Variants in CPXM1 observed in about 807,000 individuals in gnomAD.
CPXM1 encodes the protein probable carboxypeptidase X1.
In CPXM1, 72 loss-of-function variants were observed where a neutral mutation model predicts 80.4. That is an observed-to-expected ratio of 0.90 (90% CI 0.74 to 1.09). CPXM1 has a LOEUF of 1.09. CPXM1 is among the 50% of genes least tolerant of loss of function. The probability of loss-of-function intolerance (pLI) is 0.00; values close to 1 mark genes in which losing one functional copy is unlikely to be tolerated. For missense variants in CPXM1, 892 were observed against 999.4 expected, an observed-to-expected ratio of 0.89 and a Z score of 1.45; for synonymous variants, 403 against 405.6, an observed-to-expected ratio of 0.99 and a Z score of 0.08.
Position 2,794,955 on chromosome 20 carries a change from C to T in CPXM1, c.1861-316G>A, listed in dbSNP as rs1568600464. Among the ~76,000 whole-genome samples, 1 of 152,216 alleles carries T rather than the reference C, an allele frequency of 6.6e-6. No homozygotes were observed. The highest frequency in any genetic ancestry group is 1.5e-5 in the Non-Finnish European group (1 of 68,028). On this transcript the variant is annotated intron_variant, in intron 12 of 13. Transcript: ENST00000380605. This position sits in a 1 kb window ranked among gnomAD's most constrained non-coding sequence, Gnocchi z 5.2. ...TACAAGGGTTATGAGCTCCATGGAA[C>T]ATGAAGCTTCTATGCCAGGACAGCT...
rs145783423 is a variant in CPXM1, at chr20:2,794,533, A to G, written c.1963+4T>C. 1.7e-4 allele frequency: 279 copies of G among 1,613,930 alleles called. 1 individual carries two copies. In the African/African-American group the frequency reaches 3.5e-3, roughly 20 times the overall value. On this transcript the variant is annotated splice_donor_region_variant and intron_variant, in intron 13 of 13. Coordinates refer to ENST00000380605, the MANE Select transcript of CPXM1 (RefSeq NM_019609.5). The surrounding 1 kb of genome is among the most constrained non-coding windows in gnomAD (Gnocchi z 5.2). ...CCTTCCCTTGCCCTCCCGGTCAAAC[A>G]CACCCGTGGTCACGTCATGGTTAAT...
At chr20:2,799,588 G>A (rs1207659291) in intron 1 of CPXM1, among the ~76,000 whole-genome samples, 4 of 151,984 alleles carry the variant, frequency 2.6e-5, no homozygotes, top group Non-Finnish European at 4.4e-5. Flanking sequence ...TTTGCCCGCC[G>A]CTTCCTTCTT....
Position 2,796,402 on chromosome 20 carries a change from C to T in CPXM1, c.1087G>A (p.Glu363Lys), listed in dbSNP as rs144712965. 65 of 1,613,962 alleles carry T rather than the reference C, an allele frequency of 4.0e-5. No homozygotes were observed. The highest frequency in any genetic ancestry group is 5.3e-5 in the Non-Finnish European group (63 of 1,180,006). Residue 363 changes from glutamate to lysine, a missense_variant, in exon 9 of 14, where the codon GAG becomes AAG. Physicochemically the swap from Glu to Lys is moderately conservative, Grantham distance 56. Transcript: ENST00000380605. This position sits in a 1 kb window ranked among gnomAD's most constrained non-coding sequence, Gnocchi z 6.8. ...AGAAGCAACTCCCGCCCCAGGGCCTCGTTCCCATGCATGCCAGCCACGTAG... is the reference window on the plus strand; with the variant it reads ...AGAAGCAACTCCCGCCCCAGGGCCTTGTTCCCATGCATGCCAGCCACGTAG... ...VRYVAGMHGN[E>K]ALGRELLLLL...
chr20:2,800,577 G>A lies in CPXM1; in HGVS notation c.-5C>T. ...GGCGAGCAGGAGCCCCCACATGGCG[G>A]GGATTGAGTGCCAGGGGCGCGCGGG... is the stretch of plus-strand genomic sequence containing the variant. On this transcript the variant is annotated 5_prime_UTR_variant, in exon 1 of 14. Transcript: ENST00000380605. The A allele has an allele frequency of 3.0e-6, 4 of 1,335,676 alleles. No individual in the cohort carries two copies. Among genetic ancestry groups the A allele is most frequent in the Non-Finnish European group, 3.8e-6 (4 of 1,047,618 alleles). 82.7% of individuals were successfully genotyped at this position (1,335,676 alleles called of 1,614,324 possible).
Position 2,796,537 on chromosome 20 carries a change from C to G in CPXM1, c.1035G>C (p.Glu345Asp), listed in dbSNP as rs748944255. The change falls in exon 8 of 14, where the codon GAG becomes GAC. Residue 345 changes from glutamate to aspartate, a missense_variant. By Grantham distance (45) the Glu-to-Asp change is conservative. Transcript: ENST00000380605. The surrounding 1 kb of genome is among the most constrained non-coding windows in gnomAD (Gnocchi z 6.8). ...TCCCCATGCCAGTACCCAGCTCATG[C>G]TCCCCAGGCTTGTCCGACATTTCCA... is the stretch of plus-strand genomic sequence containing the variant. ...YVMEMSDKPG[E>D]HELGEPEVRY... 1 of 1,614,068 alleles carries G rather than the reference C, an allele frequency of 6.2e-7. No individual in the cohort carries two copies. The highest frequency in any genetic ancestry group is 8.5e-7 in the Non-Finnish European group (1 of 1,180,028).
intron 1 of CPXM1, among the ~76,000 whole-genome samples, chr20:2,799,534 C>T (rs2088545657): frequency 6.6e-6 from 1 of 152,186 alleles, no homozygotes; most frequent in Non-Finnish European, 1.5e-5. Context: ...CCACAGCTGC[C>T]TCCAGAACAG....
At chr20:2,799,032 A>C (rs2088540914) in intron 1 of CPXM1, 139 bp from the exon 2 acceptor site, 1 of 835,816 alleles carries the variant, frequency 1.2e-6, no homozygotes, top group Non-Finnish European at 1.9e-6. Context: ...AGGACATCAA[A>C]GGCCTGCAAT....
rs186626222 is a variant in CPXM1 at position 2,795,301 on chromosome 20, G to A, written c.1836C>T (p.Asp612=). 3.7e-4 allele frequency: 605 copies of A among 1,614,050 alleles called. 7 individuals carry two copies. In the South Asian group the frequency reaches 6.2e-3, roughly 16 times the overall value. The change falls in exon 12 of 14, where the codon GAC becomes GAT. Residue 612 remains aspartate (D), a synonymous_variant. Coordinates refer to ENST00000380605, the MANE Select transcript of CPXM1 (RefSeq NM_019609.5). The surrounding 1 kb of genome is among the most constrained non-coding windows in gnomAD (Gnocchi z 5.4). Reference sequence around the variant, plus strand: ...CCTGCTCCAGGTAGGTGAGGAGGGCGTCTTTGTTGTTCTCCCACTCCTGGG... The same window carrying A: ...CCTGCTCCAGGTAGGTGAGGAGGGCATCTTTGTTGTTCTCCCACTCCTGGG... The part of the protein sequence containing the change: ...ELPQEWENNK[D]ALLTYLEQVR...
At chr20:2,799,912 C>T (rs2088549886) in intron 1 of CPXM1, among the ~76,000 whole-genome samples, 1 of 152,224 alleles carries the variant, frequency 6.6e-6, no homozygotes, top group Non-Finnish European at 1.5e-5. Context: ...GTCTCCCCTC[C>T]TGCCAGTTCT....
chr20:2,799,703 C>T (rs2088547370), intron 1 of CPXM1, among the ~76,000 whole-genome samples: 1 of 152,174 alleles, frequency 6.6e-6, no homozygotes, highest in Admixed American at 6.5e-5. Context: ...GAGTGCCCTC[C>T]GCTTGCGCTC....
Position 2,796,128 on chromosome 20 carries a change from A to C in CPXM1, c.1276T>G (p.Trp426Gly). The change falls in exon 10 of 14, where the codon TGG (tryptophan) becomes GGG (glycine). Residue 426 changes from tryptophan (W) to glycine (G), a missense_variant. This residue lies in a region of CPXM1 where 874 missense variants were observed against 958.4 expected (regional missense o/e 0.91). Transcript: ENST00000380605. The surrounding 1 kb of genome is among the most constrained non-coding windows in gnomAD (Gnocchi z 6.8). ...SELVGWAEGR[W>G]NNQSIDLNHN... The stretch of plus-strand genomic sequence containing the variant: ...TTAAGATCGATGCTCTGGTTGTTCC[A>C]GCGGCCCTCGGCCCAGCCCACCAGC... The C allele has an allele frequency of 6.8e-6, 11 of 1,613,004 alleles. No individual in the cohort carries two copies. Among genetic ancestry groups the C allele is most frequent in the Non-Finnish European group, 9.3e-6 (11 of 1,179,396 alleles).
rs57777718 is a variant in CPXM1, at chr20:2,800,326, G to A, written c.172+75C>T. The A allele has an allele frequency of 6.9e-4, 911 of 1,323,358 alleles. 8 individuals carry two copies. Among genetic ancestry groups the A allele is most frequent in the Non-Finnish European group, 1.4e-4 (143 of 1,010,026 alleles). The allele number at this position is 1,323,358 out of a possible 1,614,324, so 82.0% of individuals were successfully genotyped here. On this transcript the variant is annotated intron_variant, in intron 1 of 13. Coordinates refer to ENST00000380605, the MANE Select transcript of CPXM1 (RefSeq NM_019609.5). Reference sequence around the variant, plus strand: ...GGTGTGCGTGTGCCCGCGTGTTAGGGAGGGATCGCCCCACGGGGCAGGAGA... The same window carrying A: ...GGTGTGCGTGTGCCCGCGTGTTAGGAAGGGATCGCCCCACGGGGCAGGAGA...
rs1223250858 is a variant in CPXM1, at chr20:2,796,086, G to A, written c.1318C>T (p.Leu440Phe). Residue 440 changes from leucine (L) to phenylalanine (F), a missense_variant, in exon 10 of 14, where the codon CTC becomes TTC. Leu to Phe is a conservative substitution (Grantham distance 22, BLOSUM62 0). Coordinates refer to ENST00000380605, the MANE Select transcript of CPXM1 (RefSeq NM_019609.5). The surrounding 1 kb of genome is among the most constrained non-coding windows in gnomAD (Gnocchi z 6.8). ...TGTGCTTCCCACAGTGGTGTGTTGAGGTCAGCAAAATTATGGTTAAGATCG... is the reference window on the plus strand; with the variant it reads ...TGTGCTTCCCACAGTGGTGTGTTGAAGTCAGCAAAATTATGGTTAAGATCG... ...SIDLNHNFAD[L>F]NTPLWEAQDD... 6.2e-6 allele frequency: 10 copies of A among 1,613,952 alleles called. No homozygotes were observed. The highest frequency in any genetic ancestry group is 1.7e-5 in the Admixed American group (1 of 59,980).
In CPXM1 at chr20:2,794,530, A is replaced by G; in HGVS notation, c.1963+7T>C. On this transcript the variant is annotated splice_region_variant and intron_variant, in intron 13 of 13. Transcript: ENST00000380605. This position sits in a 1 kb window ranked among gnomAD's most constrained non-coding sequence, Gnocchi z 5.2. ...GCCCCTTCCCTTGCCCTCCCGGTCAAACACACCCGTGGTCACGTCATGGTT... is the reference window on the plus strand; with the variant it reads ...GCCCCTTCCCTTGCCCTCCCGGTCAGACACACCCGTGGTCACGTCATGGTT... The G allele has an allele frequency of 6.2e-7, 1 of 1,614,036 alleles. No homozygotes were observed. The highest frequency in any genetic ancestry group is 1.1e-5 in the South Asian group (1 of 91,076).
In CPXM1 at chr20:2,794,674, T is replaced by G; in HGVS notation, c.1861-35A>C. On this transcript the variant is annotated intron_variant, in intron 12 of 13. Coordinates refer to ENST00000380605, the MANE Select transcript of CPXM1 (RefSeq NM_019609.5). The surrounding 1 kb of genome is among the most constrained non-coding windows in gnomAD (Gnocchi z 5.2). The stretch of plus-strand genomic sequence containing the variant: ...AAGAGGTTATCAGAGCCCTTCCCCT[T>G]CGGCAGGATAATGTGCTGTTTAGCT... 1 of 1,553,162 alleles carries G rather than the reference T, an allele frequency of 6.4e-7. No homozygotes were observed. Among genetic ancestry groups the G allele is most frequent in the Non-Finnish European group, 8.8e-7 (1 of 1,132,576 alleles).
chr20:2,798,370 G>A, intron 3 of CPXM1, 58 bp downstream of exon 3: 2 of 1,601,722 alleles, frequency 1.2e-6, no homozygotes, highest in South Asian at 2.2e-5. Flanking sequence ...CAGGAGAGAA[G>A]CTCCCAGGGG....
At chr20:2,800,087 ATG>A (rs980267861) in intron 1 of CPXM1, among the ~76,000 whole-genome samples, 1 of 151,366 alleles carries the variant, frequency 6.6e-6, no homozygotes, top group South Asian at 2.1e-4. Flanking sequence ...GAGTGTGTAT[ATG>A]TGTGTGTGCA....
rs758289132 is a variant in CPXM1, at chr20:2,798,416, A to C, written c.450+12T>G. The C allele has an allele frequency of 1.2e-6, 2 of 1,609,712 alleles. No homozygotes were observed. Among genetic ancestry groups the C allele is most frequent in the South Asian group, 2.2e-5 (2 of 90,776 alleles). ...TACCCTGAGACCATGGCTCCGAGCCAGGATTACTGACCTGAATGTTGAGCC... is the reference window on the plus strand; with the variant it reads ...TACCCTGAGACCATGGCTCCGAGCCCGGATTACTGACCTGAATGTTGAGCC... On this transcript the variant is annotated intron_variant, in intron 3 of 13. Transcript: ENST00000380605.
chr20:2,800,449 G>C lies in CPXM1; in HGVS notation c.124C>G (p.Pro42Ala), dbSNP rs1253786235. The C allele has an allele frequency of 4.0e-6, 6 of 1,506,782 alleles. No homozygotes were observed. Among genetic ancestry groups the C allele is most frequent in the Non-Finnish European group, 5.3e-6 (6 of 1,135,362 alleles). 93.3% of individuals were successfully genotyped at this position (1,506,782 alleles called of 1,614,324 possible). ...PGTTKVPGSTPALHSSPAQPP... is the reference protein window; with the variant it reads ...PGTTKVPGSTAALHSSPAQPP... ...TGTGCCGGGCTGCTATGCAGGGCCGGGGTCGAGCCTGGGACCTTGGTGGTC... is the reference window on the plus strand; with the variant it reads ...TGTGCCGGGCTGCTATGCAGGGCCGCGGTCGAGCCTGGGACCTTGGTGGTC... The change falls in exon 1 of 14, where the codon CCG becomes GCG. Residue 42 changes from proline (P) to alanine (A), a missense_variant. Around this residue, in one of 2 missense-constraint regions of CPXM1, gnomAD observed 874 missense variants for 958.4 expected, o/e 0.91. Coordinates refer to ENST00000380605, the MANE Select transcript of CPXM1 (RefSeq NM_019609.5).
Sources: gnomAD v4.1 joint callset for allele counts (sites outside exome capture counted in the v4.1 genomes callset) on GRCh38, gnomAD v4.1.1 for gene constraint, gnomAD v4.1.1 regional missense constraint, Gnocchi (gnomAD v3.1) non-coding constraint, MANE v1.5 for transcripts, NCBI Gene and HGNC (gene_info 2026-07-23, HGNC 2026-07-21) for gene names.